The following SCN9A variants were observed in gnomAD, a reference collection of about 807,000 sequenced individuals.
SCN9A encodes the protein sodium voltage-gated channel alpha subunit 9.
In SCN9A, 131 loss-of-function variants were observed where a neutral mutation model predicts 187.0. That is an observed-to-expected ratio of 0.70 (90% CI 0.61 to 0.81). The LOEUF is 0.81. SCN9A is among the 30% of genes least tolerant of loss of function. The pLI, the probability that SCN9A is intolerant of heterozygous loss-of-function variation, is 0.00. For synonymous variants in SCN9A, 809 were observed against 808.6 expected (o/e 1.00, Z -0.01); for missense variants, 2,252 against 2,396.6 (o/e 0.94, Z 1.26).
chr2:166,212,225 A>G (rs960124115), intron 24 of SCN9A, among the ~76,000 whole-genome samples: 7 of 152,210 alleles, frequency 4.6e-5, no homozygotes, highest in Non-Finnish European at 1.0e-4. Context: ...GGACCTGTGG[A>G]TAAAAAAATT....
intron 1 of SCN9A, among the ~76,000 whole-genome samples, chr2:166,344,616 C>G (rs865799865): frequency 2.0e-5 from 3 of 152,142 alleles, no homozygotes; most frequent in Admixed American, 2.0e-4. Context: ...GTGTAAAAGG[C>G]ACAATGAAAT....
In SCN9A at chr2:166,288,575, A is replaced by G. The variant is rs1179148071; in HGVS notation, c.1176T>C (p.Tyr392=). The G allele has an allele frequency of 6.2e-7, 1 of 1,612,268 alleles. No homozygotes were observed. ...CCACAGCCAGGATCAAGTTTATTAG[A>G]TAAAAGGAGCCCAGGAAAATCACTA... ...FVVVIFLGSF[Y]LINLILAVVA... Residue 392 remains tyrosine, a synonymous_variant, in exon 10 of 27, where the codon TAT becomes TAC. Transcript: ENST00000642356.
chr2:166,297,598 A>G (rs1382482672), intron 7 of SCN9A, among the ~76,000 whole-genome samples: 1 of 151,990 alleles, frequency 6.6e-6, no homozygotes, highest in Non-Finnish European at 1.5e-5. Context: ...AGTGGTTGCC[A>G]GGGGCTGGGA....
chr2:166,248,580 A>C (rs1311301350), intron 18 of SCN9A, among the ~76,000 whole-genome samples: 1 of 152,152 alleles, frequency 6.6e-6, no homozygotes, highest in Non-Finnish European at 1.5e-5. Context: ...TTTTAAAATC[A>C]CATCCTTATA....
chr2:166,240,568 G>T (rs1057075857), intron 19 of SCN9A, among the ~76,000 whole-genome samples: 5 of 152,162 alleles, frequency 3.3e-5, no homozygotes, highest in African/African-American at 1.2e-4. Context: ...ACATATGTGA[G>T]TCAGCATGGG....
intron 18 of SCN9A, among the ~76,000 whole-genome samples, chr2:166,244,862 A>C (rs1194560018): frequency 1.3e-5 from 2 of 152,130 alleles, no homozygotes; most frequent in Non-Finnish European, 1.5e-5. Flanking sequence ...CAAGCACTAC[A>C]AATGAGAGCT....
At chr2:166,323,995 CACGCTCACA>C (rs1699304241) in intron 1 of SCN9A, among the ~76,000 whole-genome samples, 1 of 150,488 alleles carries the variant, frequency 6.6e-6, no homozygotes, top group African/African-American at 2.4e-5. Flanking sequence ...AAAATAGCTA[CACGCTCACA>C]ACTCTATATT....
rs906868759 is a variant in SCN9A at position 166,195,488 on chromosome 2, T to A, written c.*3184A>T. ...TAAACCCAGGCCAATTCCCTGGCCATCCTAATTTAGTTGGCCCTTCTTTCA... is the reference window on the plus strand; with the variant it reads ...TAAACCCAGGCCAATTCCCTGGCCAACCTAATTTAGTTGGCCCTTCTTTCA... On this transcript the variant is annotated 3_prime_UTR_variant, in exon 27 of 27. Transcript: ENST00000642356. 6.6e-6 allele frequency: 1 copy of A among 152,172 alleles called. No homozygotes were observed. Among genetic ancestry groups the A allele is most frequent in the Admixed American group, 6.5e-5 (1 of 15,272 alleles). The allele number at this position is 152,172 out of a possible 1,614,324, so 9.4% of individuals were successfully genotyped here.
intron 1 of SCN9A, among the ~76,000 whole-genome samples, chr2:166,340,594 CT>C (rs1395792670): frequency 1.4e-5 from 1 of 73,852 alleles, no homozygotes; most frequent in Non-Finnish European, 2.5e-5. Flanking sequence ...TTCTTTCTTT[CT>C]TTCTTTCTTT....
chr2:166,356,198 C>A (rs531100303), intron 1 of SCN9A, among the ~76,000 whole-genome samples: 1 of 152,284 alleles, frequency 6.6e-6, no homozygotes, highest in African/African-American at 2.4e-5. Flanking sequence ...GGGTCATCCA[C>A]CTCCTCAGAG....
chr2:166,229,070 G>C (rs1694973242), intron 21 of SCN9A, 98 bp from the exon 22 acceptor site: 1 of 993,548 alleles, frequency 1.0e-6, no homozygotes, highest in African/African-American at 1.6e-5. Context: ...AATTAGAAAA[G>C]CCGCCCTTAA....
intron 24 of SCN9A, among the ~76,000 whole-genome samples, chr2:166,210,555 C>A (rs1574720335): frequency 2.3e-5 from 3 of 132,496 alleles, no homozygotes; most frequent in South Asian, 2.4e-4. Context: ...TTAAAATTAT[C>A]CAGTCAGTGG....
intron 1 of SCN9A, among the ~76,000 whole-genome samples, chr2:166,361,210 A>T (rs1700276226): frequency 7.0e-6 from 1 of 143,102 alleles, no homozygotes; most frequent in Admixed American, 7.1e-5. Context: ...AATACATTGT[A>T]ACTGTTATTA....
At chr2:166,293,162 C>T in intron 9 of SCN9A, 69 bp downstream of exon 9, 1 of 1,394,166 alleles carries the variant, frequency 7.2e-7, no homozygotes, top group Non-Finnish European at 9.8e-7. Context: ...CCTCCTAATA[C>T]AGGCTCTTAA....
chr2:166,357,991 A>AT (rs59265133), intron 1 of SCN9A, among the ~76,000 whole-genome samples: 87,069 of 150,908 alleles, frequency 0.58, 26,837 homozygotes, highest in African/African-American at 0.79. Context: ...TATTTCATAA[A>AT]TTTTTTTTCA....
intron 26 of SCN9A, among the ~76,000 whole-genome samples, chr2:166,200,897 A>G (rs1693478404): frequency 6.6e-6 from 1 of 152,154 alleles, no homozygotes; most frequent in East Asian, 1.9e-4. Flanking sequence ...CGGCCTCCCA[A>G]TGTGCTGGGA....
In SCN9A at chr2:166,353,009, G is replaced by T. The variant is rs547054615; in HGVS notation, c.-51+22688C>A. The stretch of plus-strand genomic sequence containing the variant: ...GGATCGATATCTTTCCATTGTATCT[G>T]TTTTTTTTTTAATTTCTTTCTTATT... On this transcript the variant is annotated intron_variant, in intron 1 of 26. Transcript: ENST00000642356. Among the ~76,000 whole-genome samples, 1,206 of 148,070 alleles carry T rather than the reference G, an allele frequency of 8.1e-3. 21 individuals are homozygous for T. The highest frequency in any genetic ancestry group is 0.028 in the African/African-American group (1,145 of 40,474).
intron 1 of SCN9A, among the ~76,000 whole-genome samples, chr2:166,356,464 T>A (rs569277903): frequency 6.6e-6 from 1 of 152,298 alleles, no homozygotes; most frequent in African/African-American, 2.4e-5. Flanking sequence ...AAAAGTTAGG[T>A]CCAAATTGCA....
At chr2:166,252,464 C>T (rs79784712) in intron 17 of SCN9A, among the ~76,000 whole-genome samples, 1 of 151,820 alleles carries the variant, frequency 6.6e-6, no homozygotes, top group Admixed American at 6.6e-5. Context: ...GTTCTTTGAT[C>T]AAGACCACAA....
Sources: allele counts gnomAD v4.1 joint callset (sites outside exome capture counted in the v4.1 genomes callset), GRCh38; gene constraint gnomAD v4.1.1; transcripts MANE v1.5; gene names NCBI Gene and HGNC (gene_info 2026-07-23, HGNC 2026-07-21).